Variants in NOX4 observed in about 807,000 individuals in gnomAD.
NOX4 encodes the protein kidney oxidase-1.
A neutral mutation model predicts 87.6 loss-of-function variants in NOX4; 69 were observed. The ratio of observed to expected loss-of-function variants is 0.79; its 90% confidence interval spans 0.65 to 0.96. The LOEUF is 0.96. Ranked by LOEUF, NOX4 falls within the 40% of genes least tolerant of loss-of-function variation. The pLI is 0.00. For synonymous variants in NOX4, 275 were observed against 238.2 expected, an observed-to-expected ratio of 1.15 and a Z score of -1.42; for missense variants, 680 against 681.5, an observed-to-expected ratio of 1.00 and a Z score of 0.02.
the NOX4 span, among the ~76,000 whole-genome samples, chr11:89,565,163 C>T: frequency 1.3e-5 from 2 of 152,162 alleles, no homozygotes; most frequent in African/African-American, 4.8e-5. Flanking sequence ...TTATTTAACT[C>T]TTCCTTAACT....
At chr11:89,441,211 T>C (rs1298344996) in intron 5 of NOX4, among the ~76,000 whole-genome samples, 1 of 152,204 alleles carries the variant, frequency 6.6e-6, no homozygotes, top group East Asian at 1.9e-4. Flanking sequence ...GTTTCAAATA[T>C]AGTGAAAAGT....
At chr11:89,419,242 C>T (rs527979534) in intron 8 of NOX4, among the ~76,000 whole-genome samples, 1 of 152,086 alleles carries the variant, frequency 6.6e-6, no homozygotes, top group East Asian at 1.9e-4. Flanking sequence ...CTAAAGCATA[C>T]TGTTGAACAG....
At chr11:89,378,470 TAC>T (rs1432918220) in intron 11 of NOX4, among the ~76,000 whole-genome samples, 2 of 152,174 alleles carry the variant, frequency 1.3e-5, no homozygotes, top group African/African-American at 4.8e-5. Flanking sequence ...TGCTCCTTAT[TAC>T]AGTCTAGCCC....
At chr11:89,561,085 A>C in the NOX4 span, among the ~76,000 whole-genome samples, 64 of 120,568 alleles carry the variant, frequency 5.3e-4, 2 homozygotes, top group African/African-American at 1.8e-3. Context: ...ATATATATAT[A>C]TCCTATCAGT....
chr11:89,508,439 C>T, the NOX4 span, among the ~76,000 whole-genome samples: 1 of 152,022 alleles, frequency 6.6e-6, no homozygotes, highest in Non-Finnish European at 1.5e-5. Flanking sequence ...TTTTCTTGAG[C>T]CTTTCTAAGA....
At chr11:89,566,233 C>T in the NOX4 span, among the ~76,000 whole-genome samples, 1 of 151,872 alleles carries the variant, frequency 6.6e-6, no homozygotes, top group South Asian at 2.1e-4. Context: ...TTAGTAGAGA[C>T]TGGGTTTCAC....
rs60674591 is a variant in NOX4 at position 89,365,894 on chromosome 11, TTC to T, written c.1135+7536_1135+7537del. The stretch of plus-strand genomic sequence containing the variant: ...ATAGAAAACAGCCATGTAGTGAGTC[TTC>T]TCTGTTCTTAAATAGAAGATGTCTT... On this transcript the variant is annotated intron_variant, in intron 12 of 17. Coordinates refer to ENST00000263317, the MANE Select transcript of NOX4 (RefSeq NM_016931.5). Among the ~76,000 whole-genome samples the T allele has an allele frequency of 1.9e-3, 293 of 152,212 alleles. 3 individuals carry two copies. The highest frequency in any genetic ancestry group is 6.8e-3 in the African/African-American group (284 of 41,546).
chr11:89,349,041 C>A (rs1946335795), intron 13 of NOX4, among the ~76,000 whole-genome samples: 1 of 152,154 alleles, frequency 6.6e-6, no homozygotes, highest in Non-Finnish European at 1.5e-5. Flanking sequence ...GTAATCCCAG[C>A]ATTTTGGGAG....
At chr11:89,466,986 G>A (rs940411246) in intron 2 of NOX4, among the ~76,000 whole-genome samples, 74 of 152,150 alleles carry the variant, frequency 4.9e-4, no homozygotes, top group African/African-American at 1.8e-3. Context: ...TGGAAATGAA[G>A]GGTAATGGAA....
intron 13 of NOX4, among the ~76,000 whole-genome samples, chr11:89,348,669 T>A (rs1439983867): frequency 6.6e-6 from 1 of 152,118 alleles, no homozygotes; most frequent in African/African-American, 2.4e-5. Flanking sequence ...ATACCTCGAC[T>A]CCAAGTGTAT....
the NOX4 span, among the ~76,000 whole-genome samples, chr11:89,582,997 G>T: frequency 6.6e-6 from 1 of 152,038 alleles, no homozygotes; most frequent in Non-Finnish European, 1.5e-5. Flanking sequence ...TCACATACAA[G>T]CAACTTCAAA....
At chr11:89,463,223 CTG>C (rs1565324089) in intron 2 of NOX4, among the ~76,000 whole-genome samples, 1 of 151,832 alleles carries the variant, frequency 6.6e-6, no homozygotes, top group African/African-American at 2.4e-5. Context: ...ACACTATTCT[CTG>C]GATTACCACT....
In NOX4 at chr11:89,474,630, T is replaced by C. The variant is rs1379234817; in HGVS notation, c.153+15828A>G. On this transcript the variant is annotated intron_variant, in intron 2 of 17. Transcript: ENST00000263317. Reference sequence around the variant, plus strand: ...AATATCCATCCAGATTACTGAATAATATGCACATGTATATATGTGTATCTA... The same window carrying C: ...AATATCCATCCAGATTACTGAATAACATGCACATGTATATATGTGTATCTA... Among the ~76,000 whole-genome samples, 4 of 152,134 alleles carry C rather than the reference T, an allele frequency of 2.6e-5. No homozygotes were observed. The South Asian group carries it at 8.3e-4, about 32-fold the overall frequency.
At chr11:89,367,672 T>G (rs910300345) in intron 12 of NOX4, among the ~76,000 whole-genome samples, 12 of 152,070 alleles carry the variant, frequency 7.9e-5, no homozygotes, top group Non-Finnish European at 1.2e-4. Context: ...CTTCTTCCTT[T>G]CTATTTGATA....
At chr11:89,516,902 A>G in the NOX4 span, among the ~76,000 whole-genome samples, 2 of 151,990 alleles carry the variant, frequency 1.3e-5, no homozygotes, top group African/African-American at 4.8e-5. Context: ...TAAACATGCA[A>G]TGCTTGCCCT....
At position 89,326,589 on chromosome 11, in the gene NOX4, A is replaced by G; in HGVS notation, c.*167T>C. On this transcript the variant is annotated 3_prime_UTR_variant, in exon 18 of 18. Coordinates refer to ENST00000263317, the MANE Select transcript of NOX4 (RefSeq NM_016931.5). ...CTTTGGTTTCCAGATTAAACATGTA[A>G]TGTGACGGTCATCTTGCCACATTCT... 1 of 513,104 alleles carries G rather than the reference A, an allele frequency of 1.9e-6. No individual in the cohort carries two copies. Among genetic ancestry groups the G allele is most frequent in the South Asian group, 3.5e-5 (1 of 28,576 alleles). The allele number at this position is 513,104 out of a possible 1,614,324, so 31.8% of individuals were successfully genotyped here.
chr11:89,352,603 T>A (rs1946507486), intron 13 of NOX4, among the ~76,000 whole-genome samples: 1 of 152,134 alleles, frequency 6.6e-6, no homozygotes, highest in African/African-American at 2.4e-5. Flanking sequence ...TTGGAAGAAG[T>A]GATTTGAGCC....
At chr11:89,508,697 T>C in the NOX4 span, among the ~76,000 whole-genome samples, 1 of 152,076 alleles carries the variant, frequency 6.6e-6, no homozygotes, top group Non-Finnish European at 1.5e-5. Flanking sequence ...ACTCTGCGCC[T>C]ACAATCTCCC....
chr11:89,574,366 G>A, the NOX4 span, among the ~76,000 whole-genome samples: 21 of 152,102 alleles, frequency 1.4e-4, no homozygotes, highest in African/African-American at 4.6e-4. Context: ...CCAATCTGTC[G>A]GATACCTATT....
Sources: allele counts gnomAD v4.1 joint callset (sites outside exome capture counted in the v4.1 genomes callset), GRCh38; gene constraint gnomAD v4.1.1; transcripts MANE v1.5; gene names NCBI Gene and HGNC (gene_info 2026-07-23, HGNC 2026-07-21).